Variants in IRF8 observed in about 807,000 individuals in gnomAD.
IRF8 encodes the protein interferon consensus sequence binding protein 1.
IRF8 carries 14 observed loss-of-function variants against 48.7 expected under a neutral mutation model. The observed-to-expected ratio is 0.29, with a 90% CI of 0.19 to 0.45. The LOEUF (loss-of-function observed/expected upper bound fraction) is 0.45, where lower values mean the gene tolerates loss of function less well. Among genes scored for constraint, IRF8 ranks in the 20% least tolerant of loss-of-function variants. IRF8 has a pLI of 1.00. For synonymous variants in IRF8, 278 were observed against 227.3 expected (o/e 1.22, Z -2.01); for missense variants, 493 against 580.7 (o/e 0.85, Z 1.55).
At chr16:85,907,380 G>A (rs545435024) in intron 2 of IRF8, among the ~76,000 whole-genome samples, 5 of 152,350 alleles carry the variant, frequency 3.3e-5, no homozygotes, top group African/African-American at 1.2e-4. Context: ...TGGAATACTG[G>A]CTAAAGACAG....
chr16:85,920,804 G>T (rs774917179), intron 8 of IRF8, among the ~76,000 whole-genome samples: 2 of 152,156 alleles, frequency 1.3e-5, no homozygotes, highest in Admixed American at 1.3e-4. Context: ...GATTCTACCT[G>T]TTCAGTTGCC....
At chr16:85,903,329 G>A (rs1904888672) in intron 2 of IRF8, 140 bp downstream of exon 2, 2 of 787,228 alleles carry the variant, frequency 2.5e-6, no homozygotes, top group East Asian at 2.7e-5. Flanking sequence ...GTTCAGGAGT[G>A]CTGAATGTGT....
At chr16:85,902,545 C>G (rs925359338) in intron 1 of IRF8, 10 of 229,858 alleles carry the variant, frequency 4.4e-5, no homozygotes, top group African/African-American at 1.3e-4. Flanking sequence ...ACGGCACGGA[C>G]GCAGTATTCT....
In IRF8 at chr16:85,918,835, A is replaced by C. The variant is rs762523787; in HGVS notation, c.988+32A>C. 3.7e-6 allele frequency: 6 copies of C among 1,601,744 alleles called. No individual in the cohort carries two copies. In the Admixed American group the frequency reaches 8.3e-5, roughly 22 times the overall value. ...ACCGTCGTCACCTTGCTGCCCCCAC[A>C]TCTTAGAGATCACGCCTCCTATCTG... On this transcript the variant is annotated intron_variant, in intron 7 of 8. Coordinates refer to ENST00000268638, the MANE Select transcript of IRF8 (RefSeq NM_002163.4).
chr16:85,902,907 C>T (rs1426929297), intron 1 of IRF8, 108 bp from the exon 2 acceptor site: 1 of 1,235,912 alleles, frequency 8.1e-7, no homozygotes, highest in Non-Finnish European at 1.2e-6. Context: ...TCCCCCAAGC[C>T]AGCACCTTTG....
chr16:85,913,168 G>A lies in IRF8; in HGVS notation c.485G>A (p.Ser162Asn), dbSNP rs1363457499. Residue 162 changes from serine to asparagine, a missense_variant, in exon 5 of 9, where the codon AGC becomes AAC. Ser to Asn is a conservative substitution (Grantham distance 46, BLOSUM62 1). This residue lies in a region of IRF8 where 408 missense variants were observed against 449.6 expected (regional missense o/e 0.91). Coordinates refer to ENST00000268638, the MANE Select transcript of IRF8 (RefSeq NM_002163.4). ...VDDYMGMIKR[S>N]PSPPEACRSQ... is the part of the protein sequence containing the mutation. ...GATTACATGGGGATGATCAAAAGGAGCCCTTCCCCGCCGGAGGCCTGTCGG... is the reference window on the plus strand; with the variant it reads ...GATTACATGGGGATGATCAAAAGGAACCCTTCCCCGCCGGAGGCCTGTCGG... 6.2e-7 allele frequency: 1 copy of A among 1,614,086 alleles called. No individual in the cohort carries two copies. Among genetic ancestry groups the A allele is most frequent in the Non-Finnish European group, 8.5e-7 (1 of 1,180,042 alleles).
intron 1 of IRF8, among the ~76,000 whole-genome samples, chr16:85,901,875 C>G (rs1279409091): frequency 6.6e-6 from 1 of 151,650 alleles, no homozygotes; most frequent in Non-Finnish European, 1.5e-5. Flanking sequence ...CTGATTGTTT[C>G]AAACTCGTTT....
intron 1 of IRF8, among the ~76,000 whole-genome samples, chr16:85,901,531 T>C (rs11117414): frequency 0.021 from 3,244 of 152,166 alleles, 105 homozygotes; most frequent in African/African-American, 0.074. Flanking sequence ...GGCAGGAAGA[T>C]CGCTTAAGCC....
Position 85,921,577 on chromosome 16 carries a change from T to G in IRF8, c.*295T>G. 2.4e-6 allele frequency: 1 copy of G among 415,810 alleles called. No individual in the cohort carries two copies. Among genetic ancestry groups the G allele is most frequent in the African/African-American group, 2.0e-5 (1 of 49,720 alleles). 25.8% of individuals were successfully genotyped at this position (415,810 alleles called of 1,614,324 possible). A position where few individuals can be genotyped will look rare whatever the true frequency, so the allele number is the denominator to read the frequency against. ...TAGTTGCTATGATTCTTTCTGCATTTTCGGTTAACTATCATTTCCAAAGAC... is the reference window on the plus strand; with the variant it reads ...TAGTTGCTATGATTCTTTCTGCATTGTCGGTTAACTATCATTTCCAAAGAC... On this transcript the variant is annotated 3_prime_UTR_variant, in exon 9 of 9. Transcript: ENST00000268638.
chr16:85,901,541 C>A (rs1258614397), intron 1 of IRF8, among the ~76,000 whole-genome samples: 2 of 152,118 alleles, frequency 1.3e-5, no homozygotes, highest in African/African-American at 4.8e-5. Context: ...TCGCTTAAGC[C>A]CAGGAGTTCC....
rs416428 is a variant in IRF8, at chr16:85,899,201, A to G, written c.-24A>G. The G allele has an allele frequency of 6.6e-6, 1 of 152,196 alleles. No individual in the cohort carries two copies. The highest frequency in any genetic ancestry group is 1.5e-5 in the Non-Finnish European group (1 of 68,042). 9.4% of individuals were successfully genotyped at this position (152,196 alleles called of 1,614,324 possible). On this transcript the variant is annotated 5_prime_UTR_variant, in exon 1 of 9. Coordinates refer to ENST00000268638, the MANE Select transcript of IRF8 (RefSeq NM_002163.4). The stretch of plus-strand genomic sequence containing the variant: ...AGCAAGCGTGGGAACGCGGGCGGCG[A>G]GACGGCGGCAGGACGGCGGCAGGTA...
chr16:85,902,675 G>A, intron 1 of IRF8: 1 of 356,014 alleles, frequency 2.8e-6, no homozygotes, highest in East Asian at 6.7e-5. Flanking sequence ...CCAGTCTTGG[G>A]CTAAAACTGG....
intron 7 of IRF8, among the ~76,000 whole-genome samples, chr16:85,919,279 C>T (rs746390135): frequency 6.6e-6 from 1 of 151,726 alleles, no homozygotes; most frequent in African/African-American, 2.4e-5. Context: ...ACACTAAGTG[C>T]TGCCTGTTAG....
intron 1 of IRF8, among the ~76,000 whole-genome samples, chr16:85,901,650 A>C (rs960502074): frequency 3.3e-5 from 5 of 152,136 alleles, no homozygotes; most frequent in African/African-American, 1.2e-4. Flanking sequence ...ATCCCCTTTT[A>C]AATCCATAAA....
At chr16:85,904,163 G>A (rs926935055) in intron 2 of IRF8, among the ~76,000 whole-genome samples, 2 of 152,204 alleles carry the variant, frequency 1.3e-5, no homozygotes, top group African/African-American at 2.4e-5. Flanking sequence ...TTCCACGTTT[G>A]CCAGTGTGGA....
In IRF8 at chr16:85,921,095, C is replaced by T. The variant is rs1905543271; in HGVS notation, c.1105-11C>T. On this transcript the variant is annotated splice_polypyrimidine_tract_variant and intron_variant, in intron 8 of 8. Coordinates refer to ENST00000268638, the MANE Select transcript of IRF8 (RefSeq NM_002163.4). ...CGCCTCTGCCTCTGACTTTCTGCACCTCCCATCTAGATTGAGCAGCTGTAT... is the reference window on the plus strand; with the variant it reads ...CGCCTCTGCCTCTGACTTTCTGCACTTCCCATCTAGATTGAGCAGCTGTAT... The T allele has an allele frequency of 1.9e-6, 3 of 1,609,060 alleles. No individual in the cohort carries two copies. Among genetic ancestry groups the T allele is most frequent in the South Asian group, 1.1e-5 (1 of 90,548 alleles).
At chr16:85,903,782 T>G (rs1376924245) in intron 2 of IRF8, among the ~76,000 whole-genome samples, 1 of 152,182 alleles carries the variant, frequency 6.6e-6, no homozygotes, top group Non-Finnish European at 1.5e-5. Context: ...GGCCCACGGC[T>G]TGTTTTCTGC....
At chr16:85,912,160 G>T (rs1367883624) in intron 4 of IRF8, among the ~76,000 whole-genome samples, 3 of 152,202 alleles carry the variant, frequency 2.0e-5, no homozygotes, top group South Asian at 2.1e-4. Context: ...GGATAACCAA[G>T]CATGTTCACA....
At chr16:85,901,603 G>A (rs958627953) in intron 1 of IRF8, among the ~76,000 whole-genome samples, 3 of 152,134 alleles carry the variant, frequency 2.0e-5, no homozygotes, top group Non-Finnish European at 4.4e-5. Flanking sequence ...GGGTGACAGA[G>A]CAAGACCCTG....
Sources: allele counts gnomAD v4.1 joint callset (sites outside exome capture counted in the v4.1 genomes callset), GRCh38; gene constraint gnomAD v4.1.1; regional missense constraint gnomAD v4.1.1; transcripts MANE v1.5; gene names NCBI Gene and HGNC (gene_info 2026-07-23, HGNC 2026-07-21).